Variants in CSPP1 observed in about 807,000 individuals in gnomAD.
The protein encoded by CSPP1 is centrosome and spindle pole-associated protein 1.
In CSPP1, 126 loss-of-function variants were observed where a neutral mutation model predicts 164.4. The ratio of observed to expected loss-of-function variants is 0.77; its 90% CI spans 0.66 to 0.89. CSPP1 has a LOEUF of 0.89. Among genes scored for constraint, CSPP1 ranks in the 40% least tolerant of loss-of-function variants. CSPP1 has a pLI of 0.00. For missense variants in CSPP1, 1,395 were observed against 1,449.8 expected (o/e 0.96, Z 0.61); for synonymous variants, 472 against 476.7 (o/e 0.99, Z 0.13).
intron 28 of CSPP1, among the ~76,000 whole-genome samples, chr8:67,182,983 A>C (rs922391535): frequency 1.3e-5 from 2 of 152,198 alleles, no homozygotes; most frequent in Non-Finnish European, 2.9e-5. Context: ...TAATTTTGAT[A>C]CAGTCCAATT....
At chr8:67,145,869 CCTTA>C (rs1430597438) in intron 17 of CSPP1, among the ~76,000 whole-genome samples, 2 of 151,952 alleles carry the variant, frequency 1.3e-5, no homozygotes, top group Admixed American at 6.6e-5. Flanking sequence ...TGATTTGAGA[CCTTA>C]CTTATTTTCT....
At chr8:67,154,932 AATG>A (rs1383826491) in intron 19 of CSPP1, among the ~76,000 whole-genome samples, 2 of 152,224 alleles carry the variant, frequency 1.3e-5, no homozygotes, top group African/African-American at 4.8e-5. Context: ...ATTTTTTCCA[AATG>A]ATTTGATATT....
intron 4 of CSPP1, among the ~76,000 whole-genome samples, chr8:67,088,693 G>A (rs906780549): frequency 3.3e-5 from 5 of 150,930 alleles, no homozygotes; most frequent in African/African-American, 4.9e-5. Flanking sequence ...TCAGGAAATC[G>A]AGACCATCCT....
At chr8:67,141,020 A>C (rs1271347634) in intron 17 of CSPP1, among the ~76,000 whole-genome samples, 1 of 152,242 alleles carries the variant, frequency 6.6e-6, no homozygotes, top group African/African-American at 2.4e-5. Flanking sequence ...CCATATGGGC[A>C]ATCTTTGCTA....
intron 17 of CSPP1, among the ~76,000 whole-genome samples, chr8:67,141,114 T>G (rs1251487758): frequency 6.6e-6 from 1 of 152,188 alleles, no homozygotes; most frequent in African/African-American, 2.4e-5. Context: ...TGGAAAACAT[T>G]GGGATAGAGC....
At chr8:67,075,517 A>G (rs1422000842) in intron 2 of CSPP1, among the ~76,000 whole-genome samples, 2 of 152,196 alleles carry the variant, frequency 1.3e-5, no homozygotes, top group African/African-American at 4.8e-5. Flanking sequence ...GTTATATTTC[A>G]CAGTAATCTA....
At chr8:67,168,345 A>G (rs1212258143) in intron 24 of CSPP1, among the ~76,000 whole-genome samples, 1 of 147,718 alleles carries the variant, frequency 6.8e-6, no homozygotes, top group African/African-American at 2.5e-5. Flanking sequence ...GGAGGGGGAG[A>G]GGGAGAGGGA....
Position 67,195,729 on chromosome 8 carries a change from T to TATA in CSPP1, c.*136_*137insATA. On this transcript the variant is annotated 3_prime_UTR_variant, in exon 31 of 31. Transcript: ENST00000678616. ...TCATCTGTATATAAAATTATTTTTATCATGATGTATATTATGTACATAAAT... is the reference window on the plus strand; with the variant it reads ...TCATCTGTATATAAAATTATTTTTATATACATGATGTATATTATGTACATAAAT... 1.5e-6 allele frequency: 1 copy of TATA among 648,202 alleles called. No individual in the cohort carries two copies. Among genetic ancestry groups the TATA allele is most frequent in the Non-Finnish European group, 2.7e-6 (1 of 368,176 alleles). The allele number at this position is 648,202 out of a possible 1,614,324, so 40.2% of individuals were successfully genotyped here. A position where few individuals can be genotyped will look rare whatever the true frequency, so the allele number is the denominator to read the frequency against.
intron 4 of CSPP1, among the ~76,000 whole-genome samples, chr8:67,090,181 T>C (rs1186458742): frequency 6.6e-6 from 1 of 152,188 alleles, no homozygotes; most frequent in East Asian, 1.9e-4. Context: ...GATCTGGTCA[T>C]GTGTCTTATT....
intron 24 of CSPP1, among the ~76,000 whole-genome samples, chr8:67,168,766 A>G (rs538333903): frequency 6.6e-6 from 1 of 152,316 alleles, no homozygotes; most frequent in East Asian, 1.9e-4. Context: ...AACTCCTATT[A>G]TGTGCTAGGC....
At chr8:67,091,990 C>A in intron 5 of CSPP1, 107 bp downstream of exon 5, 1 of 309,162 alleles carries the variant, frequency 3.2e-6, no homozygotes, top group South Asian at 3.6e-5. Context: ...CATCATTTCC[C>A]CACACTTGAA....
intron 4 of CSPP1, 168 bp downstream of exon 4, chr8:67,086,278 A>G (rs1810388231): frequency 7.1e-6 from 5 of 701,380 alleles, no homozygotes; most frequent in Non-Finnish European, 2.6e-6. Flanking sequence ...TAGAGAAAAA[A>G]ATATTGCTGA....
At chr8:67,126,390 G>T (rs1820069694) in intron 15 of CSPP1, among the ~76,000 whole-genome samples, 2 of 152,134 alleles carry the variant, frequency 1.3e-5, no homozygotes, top group South Asian at 2.1e-4. Flanking sequence ...GTTTGTTGTT[G>T]TTGCTGTTTT....
intron 3 of CSPP1, among the ~76,000 whole-genome samples, chr8:67,085,349 A>G (rs1246727298): frequency 6.6e-6 from 1 of 151,782 alleles, no homozygotes; most frequent in Non-Finnish European, 1.5e-5. Flanking sequence ...TCCTATCTGA[A>G]TGCTCTTTGA....
intron 24 of CSPP1, among the ~76,000 whole-genome samples, chr8:67,165,392 C>T (rs2129563226): frequency 6.6e-6 from 1 of 152,328 alleles, no homozygotes; most frequent in South Asian, 2.1e-4. Context: ...AACTCAGAGG[C>T]TGACATTAGA....
intron 7 of CSPP1, among the ~76,000 whole-genome samples, chr8:67,102,416 CCT>C (rs1191517028): frequency 2.6e-5 from 4 of 151,948 alleles, no homozygotes; most frequent in Admixed American, 1.3e-4. Context: ...ATGGTGAAAC[CCT>C]GTCTCTACTA....
intron 30 of CSPP1, 22 bp downstream of exon 30, chr8:67,193,624 C>A: frequency 6.3e-7 from 1 of 1,599,478 alleles, no homozygotes; most frequent in Non-Finnish European, 8.6e-7. Context: ...AGTGTAATGG[C>A]CTATAGTAGA....
At chr8:67,158,687 AGTGT>A in intron 20 of CSPP1, 91 bp downstream of exon 20, 1 of 1,420,430 alleles carries the variant, frequency 7.0e-7, no homozygotes, top group Non-Finnish European at 9.3e-7. Context: ...AAAGGAGAAC[AGTGT>A]TGGAGTACAT....
chr8:67,083,716 C>T (rs181338803), intron 3 of CSPP1: 173 of 151,718 alleles, frequency 1.1e-3, no homozygotes, highest in African/African-American at 3.9e-3. Context: ...ATTGCTTGTT[C>T]CTGGATGGGC....
Sources: allele counts gnomAD v4.1 joint callset (sites outside exome capture counted in the v4.1 genomes callset), GRCh38; gene constraint gnomAD v4.1.1; transcripts MANE v1.5; gene names NCBI Gene and HGNC (gene_info 2026-07-23, HGNC 2026-07-21).